The following RAD18 variants were observed in gnomAD, a reference collection of about 807,000 sequenced individuals.
RAD18 encodes E3 ubiquitin-protein ligase RAD18.
In RAD18, 47 loss-of-function variants were observed where a neutral mutation model predicts 60.4. The observed-to-expected ratio is 0.78, with a 90% CI of 0.62 to 0.99. RAD18 has a LOEUF of 0.99. Ranked by LOEUF, RAD18 falls within the 50% of genes least tolerant of loss-of-function variation. RAD18 has a pLI of 0.00. For synonymous variants in RAD18, 225 were observed against 195.5 expected (o/e 1.15, Z -1.26); for missense variants, 640 against 593.3 (o/e 1.08, Z -0.82).
chr3:8,947,372 C>A, intron 3 of RAD18, 82 bp from the exon 4 acceptor site: 1 of 1,164,314 alleles, frequency 8.6e-7, no homozygotes, highest in Non-Finnish European at 1.3e-6. Context: ...AATGTCTGAC[C>A]CATCCTCCTG....
chr3:8,913,324 G>C (rs565029844), intron 8 of RAD18, among the ~76,000 whole-genome samples: 1 of 152,294 alleles, frequency 6.6e-6, no homozygotes, highest in East Asian at 1.9e-4. Context: ...CCTAGCAGTA[G>C]CTTAGAGGTC....
In RAD18 at chr3:8,941,765, T is replaced by C. The variant is rs1052422327; in HGVS notation, c.306A>G (p.Lys102=). The stretch of plus-strand genomic sequence containing the variant: ...TCTTTGAAGAGGAAGAAGCAGGAGA[T>C]TTGGCTGGTGACTCTAAAGCAAACT... ...LLQFALESPA[K]SPASSSSKNL... The change falls in exon 5 of 13, where the codon AAA becomes AAG. Residue 102 remains lysine, a synonymous_variant. Transcript: ENST00000264926. 7 of 1,613,928 alleles carry C rather than the reference T, an allele frequency of 4.3e-6. No homozygotes were observed. In the Admixed American group the frequency reaches 5.0e-5, roughly 12 times the overall value.
intron 6 of RAD18, among the ~76,000 whole-genome samples, chr3:8,938,496 A>G (rs1016707706): frequency 6.6e-6 from 1 of 152,176 alleles, no homozygotes; most frequent in African/African-American, 2.4e-5. Context: ...TCATTCTTTC[A>G]TCCCCACTTC....
intron 11 of RAD18, among the ~76,000 whole-genome samples, chr3:8,892,363 A>G (rs1313339847): frequency 6.6e-6 from 1 of 152,230 alleles, no homozygotes; most frequent in Non-Finnish European, 1.5e-5. Flanking sequence ...CTACTGGTCC[A>G]GGCTACAGTG....
In RAD18 at chr3:8,947,257, T is replaced by C; in HGVS notation, c.229A>G (p.Ile77Val). ...AAGCTTTTTACCAGTTCATCTAATA[T>C]GCGGTTATTTTTCAGATCCGGCTCT... Reference protein sequence around the residue: ...VTEPDLKNNRILDELVKSLNF... With the variant: ...VTEPDLKNNRVLDELVKSLNF... Residue 77 changes from isoleucine (I) to valine (V), a missense_variant, in exon 4 of 13, where the codon ATA (isoleucine) becomes GTA (valine). By Grantham distance (29) the Ile-to-Val change is conservative. Coordinates refer to ENST00000264926, the MANE Select transcript of RAD18 (RefSeq NM_020165.4). The C allele has an allele frequency of 6.2e-7, 1 of 1,611,622 alleles. No individual in the cohort carries two copies. The highest frequency in any genetic ancestry group is 8.5e-7 in the Non-Finnish European group (1 of 1,178,024).
chr3:8,932,576 G>C (rs1009465114), intron 7 of RAD18, among the ~76,000 whole-genome samples: 9 of 151,902 alleles, frequency 5.9e-5, no homozygotes, highest in Non-Finnish European at 8.8e-5. Flanking sequence ...TCAGTCATTT[G>C]AAAAACTGTA....
chr3:8,881,222 G>T lies in RAD18; in HGVS notation c.*135C>A. On this transcript the variant is annotated 3_prime_UTR_variant, in exon 13 of 13. Transcript: ENST00000264926. ...TTTTCCCCTCTGGAAAAGCAGAAAAGAATGAATATCAGCTAACCGTAATAT... is the reference window on the plus strand; with the variant it reads ...TTTTCCCCTCTGGAAAAGCAGAAAATAATGAATATCAGCTAACCGTAATAT... 1.4e-6 allele frequency: 1 copy of T among 730,974 alleles called. No individual in the cohort carries two copies. Among genetic ancestry groups the T allele is most frequent in the Non-Finnish European group, 2.2e-6 (1 of 456,112 alleles). 45.3% of individuals were successfully genotyped at this position (730,974 alleles called of 1,614,324 possible).
Position 8,935,861 on chromosome 3 carries a change from A to C in RAD18, c.889+10T>G. The stretch of plus-strand genomic sequence containing the variant: ...GAAAGTAAGCATAACTCACTGTTTT[A>C]TTACTTTACCTGATTTAGGATGCAA... On this transcript the variant is annotated intron_variant, in intron 7 of 12. Transcript: ENST00000264926. 6.4e-7 allele frequency: 1 copy of C among 1,552,616 alleles called. No homozygotes were observed. The highest frequency in any genetic ancestry group is 1.4e-5 in the African/African-American group (1 of 71,914).
At chr3:8,915,996 T>C (rs916426810) in intron 7 of RAD18, among the ~76,000 whole-genome samples, 5 of 152,152 alleles carry the variant, frequency 3.3e-5, no homozygotes, top group African/African-American at 9.7e-5. Flanking sequence ...GATCCATTCC[T>C]GGCAAAAGAG....
chr3:8,926,628 T>C (rs1336111400), intron 7 of RAD18, among the ~76,000 whole-genome samples: 1 of 152,210 alleles, frequency 6.6e-6, no homozygotes, highest in Non-Finnish European at 1.5e-5. Flanking sequence ...AGAACAAAGC[T>C]GGAGGCATCA....
chr3:8,882,272 A>G (rs747084050), intron 12 of RAD18, among the ~76,000 whole-genome samples: 9 of 152,240 alleles, frequency 5.9e-5, no homozygotes, highest in Non-Finnish European at 1.5e-5. Flanking sequence ...AACAGAGGTG[A>G]AATCAGTCTG....
Position 8,890,435 on chromosome 3 carries a change from T to C in RAD18, c.1339A>G (p.Ile447Val), listed in dbSNP as rs1939664110. 3 of 1,592,334 alleles carry C rather than the reference T, an allele frequency of 1.9e-6. No homozygotes were observed. Among genetic ancestry groups the C allele is most frequent in the Non-Finnish European group, 1.7e-6 (2 of 1,160,326 alleles). Residue 447 changes from isoleucine to valine, a missense_variant, in exon 12 of 13, where the codon ATA (isoleucine) becomes GTA (valine). Ile to Val is a conservative substitution (Grantham distance 29, BLOSUM62 3). Coordinates refer to ENST00000264926, the MANE Select transcript of RAD18 (RefSeq NM_020165.4). ...TCCTCTTCTTCTAAAAGATCTCTTA[T>C]GATGTCTGAACTGGAACTAAAAGGA... ...DSCNSSSSDI[I>V]RDLLEEEEAW...
At chr3:8,950,103 T>A (rs1274421632) in intron 2 of RAD18, among the ~76,000 whole-genome samples, 1 of 152,140 alleles carries the variant, frequency 6.6e-6, no homozygotes, top group Non-Finnish European at 1.5e-5. Context: ...CAATCTCGGC[T>A]CAATGCAACC....
At chr3:8,912,248 A>G in intron 9 of RAD18, 64 bp downstream of exon 9, 1 of 1,237,286 alleles carries the variant, frequency 8.1e-7, no homozygotes, top group African/African-American at 1.6e-5. Flanking sequence ...ATTCTGAAAA[A>G]TTACTTAAGA....
At chr3:8,901,146 A>G (rs1385652935) in intron 10 of RAD18, among the ~76,000 whole-genome samples, 2 of 152,196 alleles carry the variant, frequency 1.3e-5, no homozygotes, top group African/African-American at 4.8e-5. Context: ...CACATCTACA[A>G]TTTTTAAAAA....
chr3:8,926,768 A>G (rs1193199648), intron 7 of RAD18, among the ~76,000 whole-genome samples: 4 of 151,026 alleles, frequency 2.6e-5, no homozygotes, highest in Non-Finnish European at 4.4e-5. Flanking sequence ...ATCTACGACT[A>G]TCTGATCTTT....
At chr3:8,942,009 TGAAAG>T (rs1940756078) in intron 4 of RAD18, among the ~76,000 whole-genome samples, 1 of 152,096 alleles carries the variant, frequency 6.6e-6, no homozygotes, top group African/African-American at 2.4e-5. Flanking sequence ...TAAAACAAAA[TGAAAG>T]GAAATCAGCT....
chr3:8,921,553 C>A (rs947923094), intron 7 of RAD18, among the ~76,000 whole-genome samples: 25 of 152,018 alleles, frequency 1.6e-4, no homozygotes, highest in Admixed American at 9.8e-4. Context: ...CAGGCTGAAA[C>A]AGGAGGATTC....
chr3:8,902,456 A>T lies in RAD18; in HGVS notation c.1092T>A (p.Ile364=). ...TTACTGTTTTTTGTGACATTCCAGC[A>T]ATTTTCTTGTATCCTTTTCTAGCCT... ...VDQARKGYKK[I]AGMSQKTVTI... The change falls in exon 10 of 13, where the codon ATT becomes ATA. Residue 364 remains isoleucine (I), a synonymous_variant. Coordinates refer to ENST00000264926, the MANE Select transcript of RAD18 (RefSeq NM_020165.4). 1 of 1,610,368 alleles carries T rather than the reference A, an allele frequency of 6.2e-7. No individual in the cohort carries two copies.
Sources: gnomAD v4.1 joint callset for allele counts (sites outside exome capture counted in the v4.1 genomes callset) on GRCh38, gnomAD v4.1.1 for gene constraint, MANE v1.5 for transcripts, NCBI Gene and HGNC (gene_info 2026-07-23, HGNC 2026-07-21) for gene names.